NRXN1: variants seen among roughly 807,000 people sequenced by gnomAD.
The protein encoded by NRXN1 is neurexin-1.
Under a neutral mutation model 150.9 loss-of-function variants are expected in NRXN1, and 39 were observed. The observed-to-expected ratio is 0.26, with a 90% confidence interval of 0.20 to 0.34. The LOEUF is 0.34. Among genes scored for constraint, NRXN1 ranks in the 10% least tolerant of loss-of-function variants. The pLI, the probability that NRXN1 is intolerant of heterozygous loss-of-function variation, is 1.00. For synonymous variants in NRXN1, 924 were observed against 757.0 expected, an observed-to-expected ratio of 1.22 and a Z score of -3.62; for missense variants, 1,815 against 1,949.9, an observed-to-expected ratio of 0.93 and a Z score of 1.30.
chr2:50,293,271 C>G (rs957685019), intron 17 of NRXN1, among the ~76,000 whole-genome samples: 2 of 152,026 alleles, frequency 1.3e-5, no homozygotes. Context: ...TCTCTCAGAC[C>G]ACTTCTGATC....
chr2:50,888,758 A>T (rs1053468039), intron 5 of NRXN1, among the ~76,000 whole-genome samples: 1 of 151,702 alleles, frequency 6.6e-6, no homozygotes, highest in African/African-American at 2.4e-5. Flanking sequence ...ACAATAATGC[A>T]GGTACTCAAT....
intron 5 of NRXN1, among the ~76,000 whole-genome samples, chr2:50,850,047 A>T (rs558368745): frequency 3.3e-5 from 5 of 151,990 alleles, no homozygotes; most frequent in African/African-American, 1.2e-4. Context: ...TTCTACAAAA[A>T]TTAAAGAAAA....
At chr2:50,563,075 G>A (rs926498895) in intron 8 of NRXN1, among the ~76,000 whole-genome samples, 1 of 151,958 alleles carries the variant, frequency 6.6e-6, no homozygotes, top group African/African-American at 2.4e-5. Context: ...AGCAATCACT[G>A]AATATTTTTA....
chr2:50,973,674 C>A (rs2104809450), intron 2 of NRXN1, among the ~76,000 whole-genome samples: 1 of 152,086 alleles, frequency 6.6e-6, no homozygotes, highest in Admixed American at 6.6e-5. Context: ...GATTTATAGG[C>A]TTTAAAAATT....
chr2:50,618,972 T>C (rs1346374781), intron 8 of NRXN1: 1 of 151,850 alleles, frequency 6.6e-6, no homozygotes, highest in African/African-American at 2.4e-5. Context: ...CACCTTTAAA[T>C]CTCCCTTAGG....
chr2:50,833,363 G>A (rs1298024648), intron 5 of NRXN1, among the ~76,000 whole-genome samples: 1 of 152,142 alleles, frequency 6.6e-6, no homozygotes, highest in Non-Finnish European at 1.5e-5. Context: ...CATGTATCCA[G>A]AGAAAGATTT....
intron 2 of NRXN1, among the ~76,000 whole-genome samples, chr2:50,937,593 A>G (rs553994785): frequency 6.6e-6 from 1 of 152,264 alleles, no homozygotes; most frequent in Admixed American, 6.5e-5. Context: ...TCCCAGATTT[A>G]TTAGTTAGGC....
chr2:50,934,503 A>C (rs918973095), intron 2 of NRXN1, among the ~76,000 whole-genome samples: 1 of 152,148 alleles, frequency 6.6e-6, no homozygotes, highest in Non-Finnish European at 1.5e-5. Context: ...AAGTAAAATT[A>C]AAATTTCAGT....
intron 17 of NRXN1, among the ~76,000 whole-genome samples, chr2:50,285,451 G>C (rs892480172): frequency 2.6e-5 from 4 of 152,126 alleles, no homozygotes; most frequent in Non-Finnish European, 5.9e-5. Flanking sequence ...GACTGGGACA[G>C]TTTAGACACA....
chr2:50,373,679 A>AAGG (rs766534624), intron 17 of NRXN1, among the ~76,000 whole-genome samples: 122 of 65,596 alleles, frequency 1.9e-3, no homozygotes, highest in African/African-American at 4.3e-3. Flanking sequence ...AGAAAGAAAG[A>AAGG]AAAGAAAGAA....
At chr2:50,063,841 C>T (rs1268347843) in intron 19 of NRXN1, among the ~76,000 whole-genome samples, 1 of 152,130 alleles carries the variant, frequency 6.6e-6, no homozygotes, top group East Asian at 1.9e-4. Flanking sequence ...TTATGTATAA[C>T]ACAATGGTGA....
At chr2:50,709,890 T>C (rs1025690630) in intron 5 of NRXN1, among the ~76,000 whole-genome samples, 1 of 152,180 alleles carries the variant, frequency 6.6e-6, no homozygotes, top group Non-Finnish European at 1.5e-5. Context: ...AAGAATTCAA[T>C]TAGAATGAAG....
chr2:50,421,136 G>T (rs951741206), intron 17 of NRXN1, among the ~76,000 whole-genome samples: 1 of 151,606 alleles, frequency 6.6e-6, no homozygotes, highest in Non-Finnish European at 1.5e-5. Context: ...TTTTTTTTCC[G>T]GGTATTTTTC....
At chr2:50,301,155 C>T (rs1396219132) in intron 17 of NRXN1, among the ~76,000 whole-genome samples, 1 of 152,212 alleles carries the variant, frequency 6.6e-6, no homozygotes. Context: ...ATGTAAACTT[C>T]TATTTTGCTT....
At chr2:50,105,744 G>T (rs957021105) in intron 18 of NRXN1, among the ~76,000 whole-genome samples, 5 of 151,918 alleles carry the variant, frequency 3.3e-5, no homozygotes, top group African/African-American at 4.8e-5. Flanking sequence ...TAACTTACCA[G>T]CAGCTCAGGT....
intron 17 of NRXN1, among the ~76,000 whole-genome samples, chr2:50,250,246 G>T (rs1368912997): frequency 6.6e-6 from 1 of 152,000 alleles, no homozygotes; most frequent in Non-Finnish European, 1.5e-5. Context: ...CAAGCAAACT[G>T]GAGAATTTGC....
chr2:50,882,192 A>T (rs1679545105), intron 5 of NRXN1, among the ~76,000 whole-genome samples: 1 of 151,890 alleles, frequency 6.6e-6, no homozygotes, highest in African/African-American at 2.4e-5. Flanking sequence ...ACCTCCTAAC[A>T]TTTAAGTAGA....
At chr2:50,841,053 C>G (rs1672791888) in intron 5 of NRXN1, 1 of 152,556 alleles carries the variant, frequency 6.6e-6, no homozygotes, top group Admixed American at 6.5e-5. Flanking sequence ...CAGTGATGTT[C>G]TACATACCAT....
rs143792357 is a variant in NRXN1 at position 50,541,090 on chromosome 2, G to C, written c.1760-2454C>G. 4.4e-3 allele frequency among the ~76,000 whole-genome samples: 677 copies of C among 152,336 alleles called. 4 individuals carry two copies. Among genetic ancestry groups the C allele is most frequent in the African/African-American group, 0.015 (635 of 41,568 alleles). ...AATGAATATCCACTATTGAGAAATTGAGAAGAAATGTTAGGAGACACGGAA... is the reference window on the plus strand; with the variant it reads ...AATGAATATCCACTATTGAGAAATTCAGAAGAAATGTTAGGAGACACGGAA... On this transcript the variant is annotated intron_variant, in intron 9 of 22. Coordinates refer to ENST00000401669, the MANE Select transcript of NRXN1 (RefSeq NM_001330078.2).
Sources: gnomAD v4.1 joint callset for allele counts (sites outside exome capture counted in the v4.1 genomes callset) on GRCh38, gnomAD v4.1.1 for gene constraint, MANE v1.5 for transcripts, NCBI Gene and HGNC (gene_info 2026-07-23, HGNC 2026-07-21) for gene names.